PABPC1L: variants seen among roughly 807,000 people sequenced by gnomAD.
The protein encoded by PABPC1L is poly(A) binding protein cytoplasmic 1 like, also known as polyadenylate-binding protein 1-like.
Under a neutral mutation model 66.6 loss-of-function variants are expected in PABPC1L, and 31 were observed. The observed-to-expected ratio is 0.47, with a 90% confidence interval of 0.35 to 0.63. PABPC1L has a LOEUF of 0.63. Ranked by LOEUF, PABPC1L falls within the 20% of genes least tolerant of loss-of-function variation. PABPC1L has a pLI of 0.00. For synonymous variants in PABPC1L, 348 were observed against 335.1 expected, an observed-to-expected ratio of 1.04 and a Z score of -0.42; for missense variants, 722 against 848.8, an observed-to-expected ratio of 0.85 and a Z score of 1.86.
intron 7 of PABPC1L, among the ~76,000 whole-genome samples, chr20:44,928,646 G>A (rs181676624): frequency 3.9e-5 from 6 of 152,062 alleles, no homozygotes; most frequent in African/African-American, 1.2e-4. Context: ...GATTAAGAGC[G>A]TGGGCTCACC....
In PABPC1L at chr20:44,918,951, G is replaced by A; in HGVS notation, c.549G>A (p.Leu183=). The change falls in exon 4 of 15, where the codon CTG becomes CTA. Residue 183 remains leucine, a synonymous_variant. Coordinates refer to ENST00000217073, the MANE Select transcript of PABPC1L (RefSeq NM_001372179.1). ...FKSRREREAE[L]GARALEFTNI... ...CTCGACGGGAGCGGGAGGCGGAGCTGGGGGCGCGGGCCCTGGAGTTCACCA... is the reference window on the plus strand; with the variant it reads ...CTCGACGGGAGCGGGAGGCGGAGCTAGGGGCGCGGGCCCTGGAGTTCACCA... 1.2e-6 allele frequency: 2 copies of A among 1,611,670 alleles called. No homozygotes were observed. Among genetic ancestry groups the A allele is most frequent in the South Asian group, 2.2e-5 (2 of 90,652 alleles).
chr20:44,912,692 A>G lies in PABPC1L; in HGVS notation c.226A>G (p.Met76Val). The G allele has an allele frequency of 6.2e-7, 1 of 1,613,956 alleles. No homozygotes were observed. The highest frequency in any genetic ancestry group is 1.1e-5 in the South Asian group (1 of 91,068). Residue 76 changes from methionine to valine, a missense_variant, in exon 2 of 15, where the codon ATG becomes GTG. Physicochemically the swap from Met to Val is conservative, Grantham distance 21. Around this residue, in one of 3 missense-constraint regions of PABPC1L, gnomAD observed 284 missense variants for 294.8 expected, o/e 0.96. Coordinates refer to ENST00000217073, the MANE Select transcript of PABPC1L (RefSeq NM_001372179.1). ...ERALDTMNFE[M>V]LKGQPIRIMW... ...GGCACTGGACACAATGAACTTTGAG[A>G]TGCTCAAAGGCCAGCCTATTCGCAT...
intron 7 of PABPC1L, among the ~76,000 whole-genome samples, chr20:44,929,102 A>G (rs1294118459): frequency 6.8e-6 from 1 of 146,716 alleles, no homozygotes; most frequent in African/African-American, 2.5e-5. Flanking sequence ...CTACAAACTT[A>G]AAAAAAAAAA....
chr20:44,938,747 A>T lies in PABPC1L; in HGVS notation c.*5A>T. ...CCGAAGGCGTACATGCACTGAAACC[A>T]GGTGGGTGGAATGGTGACAGAAGCA... is the stretch of plus-strand genomic sequence containing the variant. On this transcript the variant is annotated splice_region_variant and 3_prime_UTR_variant, in exon 14 of 15. Coordinates refer to ENST00000217073, the MANE Select transcript of PABPC1L (RefSeq NM_001372179.1). 1 of 1,609,782 alleles carries T rather than the reference A, an allele frequency of 6.2e-7. No individual in the cohort carries two copies. The highest frequency in any genetic ancestry group is 8.5e-7 in the Non-Finnish European group (1 of 1,178,242).
rs1333665798 is a variant in PABPC1L, at chr20:44,930,530, A to T, written c.1043A>T (p.Lys348Met). 6.2e-7 allele frequency: 1 copy of T among 1,614,268 alleles called. No homozygotes were observed. The highest frequency in any genetic ancestry group is 1.7e-5 in the Admixed American group (1 of 60,034). ...TTTTCCTCCCCAGAAGAGGCGACAA[A>T]GGCCGTGACAGAGATGAACGGGCGC... is the stretch of plus-strand genomic sequence containing the variant. ...VCFSSPEEAT[K>M]AVTEMNGRIV... The change falls in exon 8 of 15, where the codon AAG (lysine) becomes ATG (methionine). Residue 348 changes from lysine (K) to methionine (M), a missense_variant. Around this residue, in one of 3 missense-constraint regions of PABPC1L, gnomAD observed 137 missense variants for 216.8 expected, o/e 0.63. Coordinates refer to ENST00000217073, the MANE Select transcript of PABPC1L (RefSeq NM_001372179.1).
At chr20:44,924,360 G>C in intron 7 of PABPC1L, 104 bp downstream of exon 7, 1 of 898,902 alleles carries the variant, frequency 1.1e-6, no homozygotes, top group Non-Finnish European at 1.7e-6. Context: ...CAGCCTTCAG[G>C]GGGTTGGTGC....
In PABPC1L at chr20:44,910,188, G is replaced by A. The variant is rs1371060902; in HGVS notation, c.45G>A (p.Val15=). The change falls in exon 1 of 15, where the codon GTG becomes GTA. Residue 15 remains valine, a synonymous_variant. Coordinates refer to ENST00000217073, the MANE Select transcript of PABPC1L (RefSeq NM_001372179.1). The part of the protein sequence containing the change: ...GSGYPLASLY[V]GDLHPDVTEA... ...GCTACCCGCTTGCCTCGCTTTACGT[G>A]GGCGATCTGCACCCCGACGTGACCG... 5.7e-6 allele frequency: 9 copies of A among 1,581,582 alleles called. No individual in the cohort carries two copies. The highest frequency in any genetic ancestry group is 7.7e-6 in the Non-Finnish European group (9 of 1,164,254).
chr20:44,930,428 C>A (rs759505927), intron 7 of PABPC1L, 32 bp from the exon 8 acceptor site: 24 of 1,592,082 alleles, frequency 1.5e-5, no homozygotes, highest in Non-Finnish European at 2.0e-5. Flanking sequence ...TCCTTCCCCA[C>A]CCCAGCAGCT....
At chr20:44,929,913 C>G (rs568345511) in intron 7 of PABPC1L, among the ~76,000 whole-genome samples, 3 of 152,180 alleles carry the variant, frequency 2.0e-5, no homozygotes, top group African/African-American at 7.2e-5. Context: ...GAACCTCTTC[C>G]CCAAATTCCT....
At chr20:44,925,572 G>C (rs900374331) in intron 7 of PABPC1L, among the ~76,000 whole-genome samples, 1 of 152,170 alleles carries the variant, frequency 6.6e-6, no homozygotes, top group African/African-American at 2.4e-5. Flanking sequence ...GTGACAGGAT[G>C]GGGGGACCCG....
intron 1 of PABPC1L, 120 bp downstream of exon 1, chr20:44,910,456 C>T (rs1038471422): frequency 3.4e-6 from 4 of 1,188,780 alleles, no homozygotes; most frequent in Non-Finnish European, 3.4e-6. Flanking sequence ...GAAACTGAGG[C>T]TCAAAGATAA....
At chr20:44,922,871 C>G (rs772678053) in intron 6 of PABPC1L, among the ~76,000 whole-genome samples, 1 of 152,188 alleles carries the variant, frequency 6.6e-6, no homozygotes, top group African/African-American at 2.4e-5. Flanking sequence ...GGGTAGAGGC[C>G]AGGGATGCTG....
In PABPC1L at chr20:44,930,857, G is replaced by C; in HGVS notation, c.1239+131G>C. The stretch of plus-strand genomic sequence containing the variant: ...GCCGAGGACTCATTAGGAAGTCTTT[G>C]TTTCCCTCTCTATAAAAGGGAGAGA... On this transcript the variant is annotated intron_variant, in intron 8 of 14. Coordinates refer to ENST00000217073, the MANE Select transcript of PABPC1L (RefSeq NM_001372179.1). 3 of 1,254,270 alleles carry C rather than the reference G, an allele frequency of 2.4e-6. No individual in the cohort carries two copies. The South Asian group carries it at 4.4e-5, about 18-fold the overall frequency. 77.7% of individuals were successfully genotyped at this position (1,254,270 alleles called of 1,614,324 possible). A position where few individuals can be genotyped will look rare whatever the true frequency, so the allele number is the denominator to read the frequency against.
rs745789072 is a variant in PABPC1L at position 44,936,701 on chromosome 20, C to T, written c.1631C>T (p.Ala544Val). 6.2e-6 allele frequency: 10 copies of T among 1,608,296 alleles called. No individual in the cohort carries two copies. The highest frequency in any genetic ancestry group is 5.6e-5 in the South Asian group (5 of 89,272). The stretch of plus-strand genomic sequence containing the variant: ...CTGACCGCGTCCATGCTGGCTGCGG[C>T]GCCCCTGCATGAGCAAAAGCAGATG... ...EPLTASMLAA[A>V]PLHEQKQMIG... The change falls in exon 12 of 15, where the codon GCG becomes GTG. Residue 544 changes from alanine to valine, a missense_variant. This residue lies in a region of PABPC1L where 301 missense variants were observed against 337.2 expected (regional missense o/e 0.89). Transcript: ENST00000217073.
chr20:44,929,717 C>T (rs1266122490), intron 7 of PABPC1L, among the ~76,000 whole-genome samples: 1 of 151,604 alleles, frequency 6.6e-6, no homozygotes, highest in Non-Finnish European at 1.5e-5. Flanking sequence ...ATTGCTTGAA[C>T]CCGGGAGGCT....
chr20:44,924,923 G>GTATT (rs574017902), intron 7 of PABPC1L, among the ~76,000 whole-genome samples: 1 of 150,098 alleles, frequency 6.7e-6, no homozygotes, highest in African/African-American at 2.5e-5. Flanking sequence ...TTTTTTTAAA[G>GTATT]CTCCCAGAGG....
Position 44,939,250 on chromosome 20 carries a change from A to C in PABPC1L, c.*131A>C. On this transcript the variant is annotated 3_prime_UTR_variant, in exon 15 of 15. Transcript: ENST00000217073. ...ATCTATACTTGGGCTCTGTATGTGAATGAAGGTTGGTCACCCATCCAGCCT... is the reference window on the plus strand; with the variant it reads ...ATCTATACTTGGGCTCTGTATGTGACTGAAGGTTGGTCACCCATCCAGCCT... The C allele has an allele frequency of 2.8e-6, 2 of 717,126 alleles. No homozygotes were observed. Among genetic ancestry groups the C allele is most frequent in the African/African-American group, 3.5e-5 (2 of 57,364 alleles). The allele number at this position is 717,126 out of a possible 1,614,324, so 44.4% of individuals were successfully genotyped here. A position where few individuals can be genotyped will look rare whatever the true frequency, so the allele number is the denominator to read the frequency against.
intron 8 of PABPC1L, 156 bp from the exon 9 acceptor site, chr20:44,932,186 T>G: frequency 2.1e-6 from 1 of 482,510 alleles, no homozygotes; most frequent in Admixed American, 3.7e-5. Flanking sequence ...CATCCTGAGA[T>G]GGGAGGAAGG....
At chr20:44,920,158 TA>T (rs2066763484) in intron 5 of PABPC1L, among the ~76,000 whole-genome samples, 1 of 152,200 alleles carries the variant, frequency 6.6e-6, no homozygotes, top group Non-Finnish European at 1.5e-5. Flanking sequence ...GACACATCAT[TA>T]ACACACACAG....
Sources: allele counts gnomAD v4.1 joint callset (sites outside exome capture counted in the v4.1 genomes callset), GRCh38; gene constraint gnomAD v4.1.1; regional missense constraint gnomAD v4.1.1; transcripts MANE v1.5; gene names NCBI Gene and HGNC (gene_info 2026-07-23, HGNC 2026-07-21).